The following PBRM1 variants were observed in gnomAD, a reference collection of about 807,000 sequenced individuals.
PBRM1 encodes the protein protein polybromo-1.
Under a neutral mutation model 194.5 loss-of-function variants are expected in PBRM1, and 27 were observed. The observed-to-expected ratio is 0.14, with a 90% CI of 0.10 to 0.19. The LOEUF is 0.19. Among genes scored for constraint, PBRM1 ranks in the 10% least tolerant of loss-of-function variants. The pLI, the probability that PBRM1 is intolerant of heterozygous loss-of-function variation, is 1.00. For missense variants in PBRM1, 1,466 were observed against 2,077.2 expected (o/e 0.71, Z 5.72); for synonymous variants, 655 against 693.2 (o/e 0.94, Z 0.87).
intron 17 of PBRM1, among the ~76,000 whole-genome samples, chr3:52,594,675 T>C (rs922491327): frequency 1.3e-4 from 20 of 152,216 alleles, no homozygotes. Flanking sequence ...CATTGGTCTA[T>C]ATACTTCAGT....
At chr3:52,575,638 T>TAGGATTACAGACA (rs1439976559) in intron 22 of PBRM1, among the ~76,000 whole-genome samples, 1 of 147,844 alleles carries the variant, frequency 6.8e-6, no homozygotes, top group Non-Finnish European at 1.5e-5. Flanking sequence ...CCAGAGTAAC[T>TAGGATTACAGACA]AGGATTACAG....
At chr3:52,616,692 C>CA (rs2094974412) in intron 14 of PBRM1, among the ~76,000 whole-genome samples, 1 of 150,230 alleles carries the variant, frequency 6.7e-6, no homozygotes, top group Admixed American at 6.6e-5. Flanking sequence ...GACTCCGTCT[C>CA]AAAAAAAAAT....
At chr3:52,606,336 CTGAA>C (rs1218064813) in intron 16 of PBRM1, among the ~76,000 whole-genome samples, 6 of 152,022 alleles carry the variant, frequency 3.9e-5, no homozygotes, top group Admixed American at 2.0e-4. Context: ...TGTTTGTTTT[CTGAA>C]TGAAGATATT....
chr3:52,685,870 G>A (rs2097305794), upstream of PBRM1: 3 of 527,272 alleles, frequency 5.7e-6, no homozygotes, highest in South Asian at 2.2e-5. Flanking sequence ...TTCGGCACCC[G>A]CCGCCCTCAC....
At chr3:52,577,292 C>T (rs964783393) in intron 21 of PBRM1, among the ~76,000 whole-genome samples, 2 of 151,920 alleles carry the variant, frequency 1.3e-5, no homozygotes, top group Non-Finnish European at 1.5e-5. Context: ...TTAGCCAGCC[C>T]TGGCAGTGTG....
intron 27 of PBRM1, among the ~76,000 whole-genome samples, chr3:52,552,604 G>A (rs2081249606): frequency 6.6e-6 from 1 of 152,182 alleles, no homozygotes; most frequent in Non-Finnish European, 1.5e-5. Flanking sequence ...CTAAGCAGGT[G>A]TGTTGGGCTT....
chr3:52,565,177 C>T (rs2084759087), intron 22 of PBRM1, among the ~76,000 whole-genome samples: 1 of 149,564 alleles, frequency 6.7e-6, no homozygotes, highest in East Asian at 2.0e-4. Context: ...CCAGCCTGAG[C>T]GAAAGAGCGA....
intron 6 of PBRM1, among the ~76,000 whole-genome samples, chr3:52,650,738 G>A (rs971093025): frequency 3.3e-5 from 5 of 152,072 alleles, no homozygotes; most frequent in East Asian, 1.9e-4. Context: ...GATACTACAC[G>A]CAACATACAG....
Position 52,666,523 on chromosome 3 carries a change from G to A in PBRM1, c.384+1975C>T, listed in dbSNP as rs141600765. Reference sequence around the variant, plus strand: ...TGCACTCCAGCCTGGGCAACAGAGCGAGACTCCATCTCAAAAAAAAAAAAG... The same window carrying A: ...TGCACTCCAGCCTGGGCAACAGAGCAAGACTCCATCTCAAAAAAAAAAAAG... On this transcript the variant is annotated intron_variant, in intron 3 of 29. Transcript: ENST00000296302. Among the ~76,000 whole-genome samples the A allele has an allele frequency of 3.5e-3, 499 of 142,050 alleles. 3 individuals are homozygous for A. Among genetic ancestry groups the A allele is most frequent in the African/African-American group, 0.012 (465 of 38,112 alleles). The allele number at this position is 142,050 out of a possible 152,430, so 93.2% of individuals were successfully genotyped here.
intron 5 of PBRM1, among the ~76,000 whole-genome samples, chr3:52,652,016 G>C (rs1043200745): frequency 1.3e-5 from 2 of 152,194 alleles, no homozygotes; most frequent in Non-Finnish European, 2.9e-5. Context: ...CTATCCAACA[G>C]CATGACTTAG....
rs757788328 is a variant in PBRM1, at chr3:52,659,116, G to A, written c.529-801C>T. Among the ~76,000 whole-genome samples, 10 of 152,130 alleles carry A rather than the reference G, an allele frequency of 6.6e-5. No homozygotes were observed. In the East Asian group the frequency reaches 9.6e-4, roughly 15 times the overall value. Reference sequence around the variant, plus strand: ...TCAAATTAAGTCAAAACTAAACAGCGATTAAGTACATCAATGTACACCATT... The same window carrying A: ...TCAAATTAAGTCAAAACTAAACAGCAATTAAGTACATCAATGTACACCATT... On this transcript the variant is annotated intron_variant, in intron 4 of 29. Transcript: ENST00000296302.
intron 13 of PBRM1, among the ~76,000 whole-genome samples, chr3:52,619,204 C>A (rs894865417): frequency 3.3e-5 from 5 of 152,136 alleles, no homozygotes; most frequent in African/African-American, 1.2e-4. Context: ...AACTTAATTT[C>A]TATTAAAAAA....
At chr3:52,579,499 G>C (rs1364424870) in intron 20 of PBRM1, among the ~76,000 whole-genome samples, 1 of 152,244 alleles carries the variant, frequency 6.6e-6, no homozygotes, top group Non-Finnish European at 1.5e-5. Context: ...CAAAGAGACT[G>C]AGGTGGGTAG....
chr3:52,627,984 G>A (rs928540895), intron 12 of PBRM1, among the ~76,000 whole-genome samples: 1 of 152,042 alleles, frequency 6.6e-6, no homozygotes, highest in Non-Finnish European at 1.5e-5. Context: ...TCAGAGATTT[G>A]CCTTTCCAGA....
exon 13 of PBRM1, chr3:52,627,276 T>C (rs2095477340): frequency 6.3e-7 from 1 of 1,584,342 alleles, no homozygotes; most frequent in Non-Finnish European, 8.7e-7. Flanking sequence ...TATATACCTT[T>C]TTCTTTTGGC....
rs771140383 is a variant in PBRM1, at chr3:52,637,894, G to T, written c.1088-3079C>A. ...CTGGGAGGCAGAGGTTGCCATGAGC[G>T]GGGATTGCGCCATTGCACTCCAGCC... On this transcript the variant is annotated intron_variant, in intron 10 of 29. Transcript: ENST00000296302. Among the ~76,000 whole-genome samples the T allele has an allele frequency of 3.3e-5, 5 of 150,984 alleles. No homozygotes were observed. The East Asian group carries it at 7.8e-4, about 24-fold the overall frequency.
At chr3:52,615,298 G>T in intron 15 of PBRM1, 53 bp downstream of exon 17, 1 of 903,960 alleles carries the variant, frequency 1.1e-6, no homozygotes, top group Non-Finnish European at 1.8e-6. Context: ...AGAAAAATCA[G>T]CAATCTCTTC....
chr3:52,610,064 C>A, intron 15 of PBRM1, 109 bp from the exon 18 acceptor site: 1 of 650,208 alleles, frequency 1.5e-6, no homozygotes, highest in East Asian at 2.9e-5. Flanking sequence ...TAAAATCTAG[C>A]AATTAGCATG....
At chr3:52,580,629 G>A (rs185095934) in intron 20 of PBRM1, among the ~76,000 whole-genome samples, 82 of 152,180 alleles carry the variant, frequency 5.4e-4, no homozygotes, top group Admixed American at 5.2e-3. Flanking sequence ...CCCAAAGTGC[G>A]GGGATTACAG....
Sources: allele counts gnomAD v4.1 joint callset (sites outside exome capture counted in the v4.1 genomes callset), GRCh38; gene constraint gnomAD v4.1.1; transcripts MANE v1.5; gene names NCBI Gene and HGNC (gene_info 2026-07-23, HGNC 2026-07-21).